The following TIAM1 variants were observed in gnomAD, a reference collection of about 807,000 sequenced individuals.
TIAM1 encodes the protein TIAM Rac1 associated GEF 1, also known as rho guanine nucleotide exchange factor TIAM1.
Under a neutral mutation model 163.5 loss-of-function variants are expected in TIAM1, and 65 were observed. The observed-to-expected ratio is 0.40, with a 90% CI of 0.33 to 0.49. TIAM1 has a LOEUF of 0.49. Ranked by LOEUF, TIAM1 falls within the 20% of genes least tolerant of loss-of-function variation. The probability of loss-of-function intolerance (pLI) is 0.77; values close to 1 mark genes in which losing one functional copy is unlikely to be tolerated. For missense variants in TIAM1, 1,789 were observed against 2,044.7 expected, an observed-to-expected ratio of 0.87 and a Z score of 2.41; for synonymous variants, 833 against 810.1, an observed-to-expected ratio of 1.03 and a Z score of -0.48.
At chr21:31,155,649 C>T (rs530406369) in intron 16 of TIAM1, among the ~76,000 whole-genome samples, 2 of 152,244 alleles carry the variant, frequency 1.3e-5, no homozygotes, top group African/African-American at 2.4e-5. Context: ...GGACTACAGG[C>T]GCCCGCCACC....
intron 6 of TIAM1, among the ~76,000 whole-genome samples, chr21:31,241,840 T>C (rs2071195601): frequency 6.6e-6 from 1 of 151,638 alleles, no homozygotes; most frequent in African/African-American, 2.4e-5. Context: ...GATTCTGTCT[T>C]TAAAAAATAT....
chr21:31,308,553 G>C (rs965290435), intron 2 of TIAM1, among the ~76,000 whole-genome samples: 5 of 151,968 alleles, frequency 3.3e-5, no homozygotes, highest in African/African-American at 1.2e-4. Context: ...TCAGTCGCCA[G>C]GAATGTTTAC....
At chr21:31,378,673 T>C (rs756698952) in intron 2 of TIAM1, among the ~76,000 whole-genome samples, 28 of 152,194 alleles carry the variant, frequency 1.8e-4, no homozygotes, top group Non-Finnish European at 3.4e-4. Context: ...TCATACTCGC[T>C]GCCACACAAT....
intron 2 of TIAM1, among the ~76,000 whole-genome samples, chr21:31,319,083 G>T (rs1245435022): frequency 6.6e-6 from 1 of 152,122 alleles, no homozygotes; most frequent in African/African-American, 2.4e-5. Context: ...TCACAATTGG[G>T]CCTCAGTTTC....
At chr21:31,228,693 T>C (rs1249072766) in intron 6 of TIAM1, among the ~76,000 whole-genome samples, 1 of 152,244 alleles carries the variant, frequency 6.6e-6, no homozygotes, top group Non-Finnish European at 1.5e-5. Flanking sequence ...CTGCAGTATA[T>C]ACTGTAGGAT....
chr21:31,479,883 C>T (rs558794854), intron 1 of TIAM1, among the ~76,000 whole-genome samples: 13 of 152,172 alleles, frequency 8.5e-5, no homozygotes, highest in South Asian at 2.1e-4. Context: ...AAGCCATTCC[C>T]GGCGTCTGCC....
chr21:31,424,672 C>T (rs1232310362), intron 2 of TIAM1, among the ~76,000 whole-genome samples: 1 of 152,154 alleles, frequency 6.6e-6, no homozygotes, highest in Admixed American at 6.5e-5. Flanking sequence ...ATTTATTAAA[C>T]ACAGAGTTTC....
chr21:31,219,827 A>C (rs1319184329), intron 8 of TIAM1, among the ~76,000 whole-genome samples: 1 of 152,238 alleles, frequency 6.6e-6, no homozygotes, highest in Non-Finnish European at 1.5e-5. Flanking sequence ...GAAAGATCTT[A>C]ATCTAAGATT....
intron 2 of TIAM1, among the ~76,000 whole-genome samples, chr21:31,297,369 G>A (rs1166115399): frequency 1.3e-5 from 2 of 152,172 alleles, no homozygotes; most frequent in Non-Finnish European, 2.9e-5. Context: ...TCTGGAGATG[G>A]ATGGTGGTGA....
chr21:31,217,070 G>T (rs1200904713), intron 9 of TIAM1, among the ~76,000 whole-genome samples: 1 of 152,112 alleles, frequency 6.6e-6, no homozygotes, highest in African/African-American at 2.4e-5. Flanking sequence ...AGCCAGGCAT[G>T]GTGGTGGGCA....
chr21:31,147,384 T>C (rs567955597), intron 19 of TIAM1, among the ~76,000 whole-genome samples: 1 of 152,154 alleles, frequency 6.6e-6, no homozygotes, highest in East Asian at 1.9e-4. Context: ...AGGCAGGAAA[T>C]GCTCATACCT....
At chr21:31,172,965 CAAT>C (rs2084587044) in intron 15 of TIAM1, among the ~76,000 whole-genome samples, 1 of 152,068 alleles carries the variant, frequency 6.6e-6, no homozygotes, top group South Asian at 2.1e-4. Context: ...AAGTTACCTA[CAAT>C]AATATTTTTG....
intron 14 of TIAM1, among the ~76,000 whole-genome samples, chr21:31,185,697 TAATTATATACTATTACACAC>T (rs1347751131): frequency 6.7e-6 from 1 of 149,098 alleles, no homozygotes; most frequent in African/African-American, 2.5e-5. Flanking sequence ...TAATTACACA[TAATTATATACTATTACACAC>T]GAAAGTTACA....
intron 1 of TIAM1, among the ~76,000 whole-genome samples, chr21:31,511,390 G>C (rs939197512): frequency 1.3e-5 from 2 of 152,206 alleles, no homozygotes; most frequent in Non-Finnish European, 2.9e-5. Context: ...GGAATTCTTA[G>C]TGCGGACTCT....
At chr21:31,301,321 C>T (rs2074490444) in intron 2 of TIAM1, among the ~76,000 whole-genome samples, 1 of 152,066 alleles carries the variant, frequency 6.6e-6, no homozygotes, top group African/African-American at 2.4e-5. Flanking sequence ...CAATAAAAAC[C>T]CTGGGTTCAA....
At chr21:31,512,086 A>G (rs1314252677) in intron 1 of TIAM1, among the ~76,000 whole-genome samples, 1 of 152,028 alleles carries the variant, frequency 6.6e-6, no homozygotes, top group African/African-American at 2.4e-5. Flanking sequence ...TCCTACTGCA[A>G]TTTATTTTAT....
rs1413732260 is a variant in TIAM1, at chr21:31,388,260, A to ACACACG, written c.-368-48839_-368-48838insCGTGTG. ...ACACACACACACACACACACACACA[A>ACACACG]CCTCTTACGTGAATACGGTGAATCT... On this transcript the variant is annotated intron_variant, in intron 2 of 28. Coordinates refer to the TIAM1 transcript ENST00000286827. 1.7e-4 allele frequency among the ~76,000 whole-genome samples: 5 copies of ACACACG among 29,568 alleles called. No homozygotes were observed. In the East Asian group the frequency reaches 2.5e-3, roughly 15 times the overall value. 19.4% of individuals were successfully genotyped at this position (29,568 alleles called of 152,430 possible). A position where few individuals can be genotyped will look rare whatever the true frequency, so the allele number is the denominator to read the frequency against.
At chr21:31,301,971 G>A (rs946306417) in intron 2 of TIAM1, among the ~76,000 whole-genome samples, 2 of 150,706 alleles carry the variant, frequency 1.3e-5, no homozygotes, top group Non-Finnish European at 3.0e-5. Context: ...ATATATGTGT[G>A]CGTATATATA....
intron 2 of TIAM1, among the ~76,000 whole-genome samples, chr21:31,331,520 G>A (rs961979801): frequency 6.6e-6 from 1 of 152,160 alleles, no homozygotes; most frequent in Non-Finnish European, 1.5e-5. Flanking sequence ...TGCATTCCTG[G>A]TAGGACAGAG....
Sources: gnomAD v4.1 joint callset for allele counts (sites outside exome capture counted in the v4.1 genomes callset) on GRCh38, gnomAD v4.1.1 for gene constraint, MANE v1.5 for transcripts, NCBI Gene and HGNC (gene_info 2026-07-23, HGNC 2026-07-21) for gene names.